The following NSMCE2 variants were observed in gnomAD, a reference collection of about 807,000 sequenced individuals.
NSMCE2 encodes NSE2 SUMO ligase component of SMC5/6 complex.
A neutral mutation model predicts 23.8 loss-of-function variants in NSMCE2; 24 were observed. The observed-to-expected ratio is 1.01, with a 90% CI of 0.73 to 1.42. The LOEUF is 1.42. Ranked by LOEUF, NSMCE2 falls within the 40% of genes most tolerant of loss-of-function variation. NSMCE2 has a pLI of 0.00. For missense variants in NSMCE2, 284 were observed against 296.5 expected, an observed-to-expected ratio of 0.96 and a Z score of 0.31; for synonymous variants, 92 against 94.1, an observed-to-expected ratio of 0.98 and a Z score of 0.13.
At chr8:125,150,562 A>C (rs2130675340) in intron 3 of NSMCE2, among the ~76,000 whole-genome samples, 1 of 147,540 alleles carries the variant, frequency 6.8e-6, no homozygotes, top group East Asian at 2.0e-4. Context: ...TCTGTATTTT[A>C]ATAGAGACTA....
intron 5 of NSMCE2, among the ~76,000 whole-genome samples, chr8:125,249,903 A>T (rs1826133625): frequency 6.6e-6 from 1 of 152,234 alleles, no homozygotes; most frequent in Non-Finnish European, 1.5e-5. Flanking sequence ...AAACATTCAG[A>T]AATTACCAGC....
At chr8:125,200,314 G>A (rs1563715266) in intron 5 of NSMCE2, among the ~76,000 whole-genome samples, 1 of 152,214 alleles carries the variant, frequency 6.6e-6, no homozygotes, top group African/African-American at 2.4e-5. Context: ...GCTGGTACCA[G>A]TTGTTCCTTT....
chr8:125,174,864 A>T (rs777587185), intron 4 of NSMCE2, among the ~76,000 whole-genome samples: 9 of 152,336 alleles, frequency 5.9e-5, no homozygotes, highest in Non-Finnish European at 1.0e-4. Flanking sequence ...TAATGGCACT[A>T]GGAAACACAC....
chr8:125,194,006 T>C lies in NSMCE2; in HGVS notation c.418+11750T>C, dbSNP rs150949280. Among the ~76,000 whole-genome samples the C allele has an allele frequency of 1.7e-3, 255 of 152,328 alleles. 1 individual carries two copies. The highest frequency in any genetic ancestry group is 6.0e-3 in the African/African-American group (249 of 41,570). ...GTGGAGAGTGTTGCCTCTTTGTATA[T>C]GTTGAAAGAGGAGGAGGAATGCTTG... On this transcript the variant is annotated intron_variant, in intron 5 of 7. Transcript: ENST00000287437.
intron 5 of NSMCE2, among the ~76,000 whole-genome samples, chr8:125,183,174 A>G (rs1205083087): frequency 6.6e-6 from 1 of 152,184 alleles, no homozygotes; most frequent in Admixed American, 6.5e-5. Context: ...GTGTCCTTAT[A>G]TGTGCTTAAT....
At chr8:125,293,405 G>A (rs1345743877) in intron 5 of NSMCE2, among the ~76,000 whole-genome samples, 4 of 152,180 alleles carry the variant, frequency 2.6e-5, no homozygotes, top group East Asian at 1.9e-4. Flanking sequence ...GCAAATGGCT[G>A]TTGTGGTGCT....
chr8:125,216,366 G>A (rs988715619), intron 5 of NSMCE2, among the ~76,000 whole-genome samples: 6 of 152,270 alleles, frequency 3.9e-5, no homozygotes, highest in South Asian at 2.1e-4. Context: ...GGGTCCGGGC[G>A]CGATGGCTCA....
At chr8:125,246,525 A>G (rs117520433) in intron 5 of NSMCE2, among the ~76,000 whole-genome samples, 129 of 152,252 alleles carry the variant, frequency 8.5e-4, no homozygotes, top group Middle Eastern at 3.4e-3. Context: ...TCAAATGGCT[A>G]ACAACTATAA....
At chr8:125,094,709 A>C (rs1459175109) in intron 1 of NSMCE2, among the ~76,000 whole-genome samples, 1 of 152,248 alleles carries the variant, frequency 6.6e-6, no homozygotes, top group East Asian at 1.9e-4. Context: ...TCTGGAGGCC[A>C]GAAGTTCAAG....
At chr8:125,309,463 C>G (rs1828893503) in intron 5 of NSMCE2, among the ~76,000 whole-genome samples, 1 of 152,244 alleles carries the variant, frequency 6.6e-6, no homozygotes, top group Middle Eastern at 3.4e-3. Flanking sequence ...TGGCTTATGC[C>G]TGTAATCCCA....
chr8:125,133,977 C>T (rs1351332055), intron 3 of NSMCE2, among the ~76,000 whole-genome samples: 1 of 152,126 alleles, frequency 6.6e-6, no homozygotes, highest in Non-Finnish European at 1.5e-5. Context: ...AGATTCAGGC[C>T]TCTGGGGCAG....
chr8:125,111,984 C>T (rs960641871), intron 3 of NSMCE2, among the ~76,000 whole-genome samples: 1 of 152,070 alleles, frequency 6.6e-6, no homozygotes, highest in Admixed American at 6.6e-5. Flanking sequence ...GGGGAGATTT[C>T]TTTTTGACCT....
intron 5 of NSMCE2, among the ~76,000 whole-genome samples, chr8:125,238,225 G>GT (rs1825634134): frequency 6.6e-6 from 1 of 152,134 alleles, no homozygotes; most frequent in South Asian, 2.1e-4. Context: ...AAGGATGCAA[G>GT]TAGAGCAGGC....
At chr8:125,203,546 C>T (rs1223243937) in intron 5 of NSMCE2, among the ~76,000 whole-genome samples, 1 of 152,078 alleles carries the variant, frequency 6.6e-6, no homozygotes, top group Non-Finnish European at 1.5e-5. Flanking sequence ...TTTTTAAGAA[C>T]AGTTTTAAGT....
chr8:125,126,135 C>A (rs1819506352), intron 3 of NSMCE2, among the ~76,000 whole-genome samples: 1 of 152,086 alleles, frequency 6.6e-6, no homozygotes, highest in African/African-American at 2.4e-5. Flanking sequence ...GTAATTCCAG[C>A]ACTTTGAGAG....
At chr8:125,336,214 A>T (rs1403673154) in intron 5 of NSMCE2, among the ~76,000 whole-genome samples, 1 of 152,222 alleles carries the variant, frequency 6.6e-6, no homozygotes, top group African/African-American at 2.4e-5. Context: ...AAGGAAAGGA[A>T]GAGAAGACCT....
intron 5 of NSMCE2, among the ~76,000 whole-genome samples, chr8:125,340,045 C>T (rs1830189494): frequency 8.3e-6 from 1 of 121,148 alleles, no homozygotes; most frequent in South Asian, 2.9e-4. Flanking sequence ...GACGGAGTCT[C>T]GCTCTGTGGC....
intron 5 of NSMCE2, among the ~76,000 whole-genome samples, chr8:125,231,675 T>G (rs1825329404): frequency 1.3e-5 from 2 of 152,334 alleles, no homozygotes; most frequent in African/African-American, 2.4e-5. Flanking sequence ...GAAATTTTTT[T>G]TCACTTAAAC....
intron 4 of NSMCE2, among the ~76,000 whole-genome samples, chr8:125,157,725 T>G (rs1821398598): frequency 6.6e-6 from 1 of 152,238 alleles, no homozygotes; most frequent in Admixed American, 6.5e-5. Context: ...ATATTGAGAC[T>G]GATTTTCACC....
Sources: gnomAD v4.1 joint callset for allele counts (sites outside exome capture counted in the v4.1 genomes callset) on GRCh38, gnomAD v4.1.1 for gene constraint, MANE v1.5 for transcripts, NCBI Gene and HGNC (gene_info 2026-07-23, HGNC 2026-07-21) for gene names.